BAZ2B: variants seen among roughly 807,000 people sequenced by gnomAD.
The protein encoded by BAZ2B is bromodomain adjacent to zinc finger domain 2B, also known as bromodomain adjacent to zinc finger domain protein 2B.
A neutral mutation model predicts 246.0 loss-of-function variants in BAZ2B; 91 were observed. The ratio of observed to expected loss-of-function variants is 0.37; its 90% CI spans 0.31 to 0.44. BAZ2B has a LOEUF of 0.44. BAZ2B is among the 20% of genes least tolerant of loss of function. The pLI is 1.00. For missense variants in BAZ2B, 2,332 were observed against 2,533.7 expected (o/e 0.92, Z 1.71); for synonymous variants, 855 against 860.0 (o/e 0.99, Z 0.10).
chr2:159,511,184 C>T (rs1288547227), intron 2 of BAZ2B, among the ~76,000 whole-genome samples: 2 of 151,972 alleles, frequency 1.3e-5, no homozygotes, highest in African/African-American at 2.4e-5. Flanking sequence ...AATCAGAATA[C>T]TCATTCTCTG....
the BAZ2B span, among the ~76,000 whole-genome samples, chr2:159,700,756 TTTC>T: frequency 6.6e-6 from 1 of 152,238 alleles, no homozygotes; most frequent in East Asian, 1.9e-4. Flanking sequence ...TGTATTGTTG[TTTC>T]TTATTGTTTT....
intron 2 of BAZ2B, among the ~76,000 whole-genome samples, chr2:159,507,659 A>G (rs891060992): frequency 5.3e-5 from 8 of 152,202 alleles, no homozygotes; most frequent in Non-Finnish European, 8.8e-5. Context: ...ATTCATTATA[A>G]TCTTCCTACC....
chr2:159,389,588 T>C, intron 20 of BAZ2B, 103 bp from the exon 21 acceptor site: 1 of 1,021,442 alleles, frequency 9.8e-7, no homozygotes, highest in Non-Finnish European at 1.3e-6. Context: ...TTTTCATTAA[T>C]CTTACTCTCT....
At chr2:159,405,714 T>C (rs560482386) in intron 14 of BAZ2B, among the ~76,000 whole-genome samples, 1 of 79,966 alleles carries the variant, frequency 1.3e-5, no homozygotes, top group Non-Finnish European at 4.0e-5. Context: ...AGAGGCTTAT[T>C]TAAGTACATT....
intron 1 of BAZ2B, among the ~76,000 whole-genome samples, chr2:159,556,081 C>G (rs1351647337): frequency 6.6e-6 from 1 of 152,100 alleles, no homozygotes; most frequent in Non-Finnish European, 1.5e-5. Context: ...TATGGCAGAT[C>G]ATGTTTTTGT....
intron 2 of BAZ2B, among the ~76,000 whole-genome samples, chr2:159,530,649 C>T (rs986279295): frequency 1.3e-5 from 2 of 152,054 alleles, no homozygotes; most frequent in African/African-American, 4.8e-5. Flanking sequence ...CTCCATTCAT[C>T]AAAATTTTTC....
intron 4 of BAZ2B, among the ~76,000 whole-genome samples, chr2:159,451,478 G>A (rs1354826419): frequency 1.3e-5 from 2 of 152,096 alleles, no homozygotes. Flanking sequence ...TTAAGTTACT[G>A]TAGGAAATCT....
intron 13 of BAZ2B, among the ~76,000 whole-genome samples, chr2:159,424,753 T>A (rs1576874978): frequency 6.6e-6 from 1 of 152,216 alleles, no homozygotes; most frequent in Non-Finnish European, 1.5e-5. Flanking sequence ...AGTATTGGCA[T>A]ATAACCTATA....
intron 21 of BAZ2B, 152 bp from the exon 22 acceptor site, chr2:159,386,759 G>T (rs936638438): frequency 1.1e-6 from 1 of 880,566 alleles, no homozygotes. Flanking sequence ...TTCTCTGGGG[G>T]CATTTCTGTA....
rs534471613 is a variant in BAZ2B at position 159,450,757 on chromosome 2, T to C, written c.335-2348A>G. ...CATTTAACTCTTTTTTTTTTTTTTTTGAGACAGAATTGTGCTCTGTCGCCC... is the reference window on the plus strand; with the variant it reads ...CATTTAACTCTTTTTTTTTTTTTTTCGAGACAGAATTGTGCTCTGTCGCCC... On this transcript the variant is annotated intron_variant, in intron 4 of 36. Coordinates refer to ENST00000392783, the MANE Select transcript of BAZ2B (RefSeq NM_013450.4). Among the ~76,000 whole-genome samples the C allele has an allele frequency of 5.5e-5, 8 of 145,576 alleles. No individual in the cohort carries two copies. In the South Asian group the frequency reaches 1.3e-3, roughly 23 times the overall value.
chr2:159,421,836 A>T (rs12988455), intron 13 of BAZ2B, among the ~76,000 whole-genome samples: 48,635 of 152,068 alleles, frequency 0.32, 9,717 homozygotes, highest in Non-Finnish European at 0.47. Context: ...TATACCTAGA[A>T]AACCCTAAAG....
intron 1 of BAZ2B, among the ~76,000 whole-genome samples, chr2:159,602,982 C>T (rs764791829): frequency 3.9e-5 from 6 of 152,036 alleles, no homozygotes; most frequent in Non-Finnish European, 7.4e-5. Flanking sequence ...AATAAAAATA[C>T]AAAAATTAGC....
intron 1 of BAZ2B, among the ~76,000 whole-genome samples, chr2:159,579,124 T>A (rs567569182): frequency 1.3e-5 from 2 of 152,154 alleles, no homozygotes; most frequent in East Asian, 3.9e-4. Flanking sequence ...AAAAAATCAA[T>A]GAATCCAGCA....
chr2:159,682,912 C>CA, the BAZ2B span, among the ~76,000 whole-genome samples: 1 of 131,602 alleles, frequency 7.6e-6, no homozygotes, highest in Non-Finnish European at 1.7e-5. Context: ...CCACCCCTCC[C>CA]CCCCCCCACA....
At chr2:159,440,622 T>C (rs1003473604) in intron 6 of BAZ2B, among the ~76,000 whole-genome samples, 2 of 150,598 alleles carry the variant, frequency 1.3e-5, no homozygotes, top group Non-Finnish European at 3.0e-5. Flanking sequence ...GTTCAAGCAA[T>C]TCTCTGCCTC....
chr2:159,335,557 A>G (rs985103316), intron 33 of BAZ2B, among the ~76,000 whole-genome samples: 1 of 151,920 alleles, frequency 6.6e-6, no homozygotes, highest in African/African-American at 2.4e-5. Flanking sequence ...AAAAAAAAAA[A>G]AAAAAATTAT....
At chr2:159,360,076 A>T (rs780331507) in intron 27 of BAZ2B, among the ~76,000 whole-genome samples, 2 of 152,200 alleles carry the variant, frequency 1.3e-5, no homozygotes, top group Non-Finnish European at 2.9e-5. Flanking sequence ...TACCAATCCT[A>T]TTCAACATAG....
At chr2:159,519,236 T>TTTTTTTTTTTTA (rs1553692833) in intron 2 of BAZ2B, among the ~76,000 whole-genome samples, 3 of 70,612 alleles carry the variant, frequency 4.2e-5, no homozygotes, top group African/African-American at 6.1e-5. Flanking sequence ...TTTTTTTTTT[T>TTTTTTTTTTTTA]TTTTGAGACG....
chr2:159,411,540 T>G (rs971914088), intron 14 of BAZ2B, among the ~76,000 whole-genome samples: 3 of 152,228 alleles, frequency 2.0e-5, no homozygotes, highest in African/African-American at 4.8e-5. Flanking sequence ...TATTTTACAT[T>G]GTTACATATC....
Sources: gnomAD v4.1 joint callset for allele counts (sites outside exome capture counted in the v4.1 genomes callset) on GRCh38, gnomAD v4.1.1 for gene constraint, MANE v1.5 for transcripts, NCBI Gene and HGNC (gene_info 2026-07-23, HGNC 2026-07-21) for gene names.